IGF2BP2: variants seen among roughly 807,000 people sequenced by gnomAD.
IGF2BP2 encodes the protein insulin-like growth factor 2 mRNA-binding protein 2.
Under a neutral mutation model 75.8 loss-of-function variants are expected in IGF2BP2, and 17 were observed. That is an observed-to-expected ratio of 0.22 (90% CI 0.15 to 0.34). IGF2BP2 has a LOEUF of 0.34. Ranked by LOEUF, IGF2BP2 falls within the 10% of genes least tolerant of loss-of-function variation. The pLI is 1.00. For synonymous variants in IGF2BP2, 288 were observed against 295.6 expected (o/e 0.97, Z 0.26); for missense variants, 516 against 772.4 (o/e 0.67, Z 3.93).
chr3:185,788,338 A>T (rs966481982), intron 2 of IGF2BP2, among the ~76,000 whole-genome samples: 33 of 152,202 alleles, frequency 2.2e-4, no homozygotes, highest in Middle Eastern at 3.4e-3. Flanking sequence ...TGAGCAATAT[A>T]GGGAGACTTT....
At chr3:185,765,074 A>G (rs1294058946) in intron 2 of IGF2BP2, among the ~76,000 whole-genome samples, 2 of 152,208 alleles carry the variant, frequency 1.3e-5, no homozygotes, top group African/African-American at 4.8e-5. Context: ...CTTAATTCCC[A>G]GCCCCTCCTA....
chr3:185,799,645 G>A (rs1202822596), intron 2 of IGF2BP2, among the ~76,000 whole-genome samples: 2 of 152,010 alleles, frequency 1.3e-5, no homozygotes, highest in African/African-American at 2.4e-5. Flanking sequence ...CCAGCTACTC[G>A]GGAGGCTGAG....
At chr3:185,808,574 C>T (rs941562034) in intron 2 of IGF2BP2, among the ~76,000 whole-genome samples, 7 of 151,668 alleles carry the variant, frequency 4.6e-5, no homozygotes, top group Non-Finnish European at 7.4e-5. Flanking sequence ...TCTTCTGAGA[C>T]AGGGTCTCTC....
chr3:185,804,966 C>A (rs1271363464), intron 2 of IGF2BP2, among the ~76,000 whole-genome samples: 4 of 149,712 alleles, frequency 2.7e-5, no homozygotes, highest in African/African-American at 9.9e-5. Context: ...GCACTCCAGC[C>A]TGGGTGACAG....
intron 2 of IGF2BP2, chr3:185,717,911 C>T (rs897149131): frequency 6.6e-6 from 1 of 152,194 alleles, no homozygotes; most frequent in South Asian, 2.1e-4. Context: ...TGAGAATGAA[C>T]AGGAATGGCA....
At chr3:185,727,155 T>C (rs947428544) in intron 2 of IGF2BP2, among the ~76,000 whole-genome samples, 2 of 149,496 alleles carry the variant, frequency 1.3e-5, no homozygotes, top group African/African-American at 4.9e-5. Context: ...GAGGCAGAGG[T>C]TGCAGTGAGC....
At chr3:185,662,052 TACAGACTTGACACTCAGCAGG>T (rs1430414143) in intron 10 of IGF2BP2, among the ~76,000 whole-genome samples, 2 of 152,102 alleles carry the variant, frequency 1.3e-5, no homozygotes, top group Non-Finnish European at 2.9e-5. Flanking sequence ...ACCAGTGGGC[TACAGACTTGACACTCAGCAGG>T]ACAGACGCCC....
intron 2 of IGF2BP2, among the ~76,000 whole-genome samples, chr3:185,776,595 A>T (rs1734564895): frequency 6.6e-6 from 1 of 152,208 alleles, no homozygotes; most frequent in South Asian, 2.1e-4. Context: ...GGAAGTCAGA[A>T]ATACAGATCT....
chr3:185,761,610 C>A (rs1476066371), intron 2 of IGF2BP2, among the ~76,000 whole-genome samples: 2 of 152,162 alleles, frequency 1.3e-5, no homozygotes, highest in African/African-American at 4.8e-5. Context: ...CCCAAGCTTT[C>A]TCCAGGAAAG....
At chr3:185,659,437 G>C (rs976255750) in intron 10 of IGF2BP2, among the ~76,000 whole-genome samples, 2 of 151,808 alleles carry the variant, frequency 1.3e-5, no homozygotes, top group African/African-American at 4.8e-5. Flanking sequence ...GAAGTGGCGC[G>C]ATCTCGGCTC....
chr3:185,721,340 T>TACAGGTACCCACC (rs1726506559), intron 2 of IGF2BP2, among the ~76,000 whole-genome samples: 1 of 152,112 alleles, frequency 6.6e-6, no homozygotes, highest in Non-Finnish European at 1.5e-5. Context: ...TAGCTGAGAT[T>TACAGGTACCCACC]ACAGGTACCC....
At chr3:185,657,432 C>A (rs769994792) in intron 11 of IGF2BP2, 30 bp from the exon 12 acceptor site, 2 of 1,537,392 alleles carry the variant, frequency 1.3e-6, no homozygotes, top group Non-Finnish European at 1.8e-6. Flanking sequence ...AAGAAGACAT[C>A]ATTCCAACCA....
chr3:185,716,785 G>A (rs749249245), intron 2 of IGF2BP2: 2 of 519,302 alleles, frequency 3.9e-6, no homozygotes, highest in South Asian at 2.8e-5. Flanking sequence ...TCCAGGTCAT[G>A]CCTGGTTAAC....
At chr3:185,677,354 C>CA (rs200884467) in intron 7 of IGF2BP2, among the ~76,000 whole-genome samples, 2,232 of 151,882 alleles carry the variant, frequency 0.015, 27 homozygotes, top group Non-Finnish European at 0.019. Context: ...CTGCTGAAAA[C>CA]AGAGGCAAGC....
intron 10 of IGF2BP2, among the ~76,000 whole-genome samples, chr3:185,668,732 C>G (rs1180930750): frequency 1.3e-5 from 2 of 151,418 alleles, no homozygotes; most frequent in Non-Finnish European, 2.9e-5. Flanking sequence ...GGTTAGCAGC[C>G]TTAATATGTA....
At chr3:185,651,456 C>T (rs1269754539) in intron 13 of IGF2BP2, among the ~76,000 whole-genome samples, 2 of 152,184 alleles carry the variant, frequency 1.3e-5, no homozygotes, top group Non-Finnish European at 2.9e-5. Flanking sequence ...GATCCTCCTG[C>T]CTCTGCCTCC....
intron 2 of IGF2BP2, chr3:185,728,921 G>A (rs1182452702): frequency 2.0e-5 from 3 of 152,148 alleles, no homozygotes; most frequent in South Asian, 2.1e-4. Flanking sequence ...CTTGTTTATC[G>A]TGTTAGTATT....
At chr3:185,668,788 A>G (rs899079728) in intron 10 of IGF2BP2, among the ~76,000 whole-genome samples, 3 of 152,086 alleles carry the variant, frequency 2.0e-5, no homozygotes, top group Non-Finnish European at 2.9e-5. Context: ...TAAAAAGATG[A>G]TAACAGCAGC....
At chr3:185,741,352 G>A (rs923299026) in intron 2 of IGF2BP2, among the ~76,000 whole-genome samples, 1 of 152,164 alleles carries the variant, frequency 6.6e-6, no homozygotes, top group Non-Finnish European at 1.5e-5. Context: ...GCTGCAAGCA[G>A]AAGTACAATT....
Sources: allele counts gnomAD v4.1 joint callset (sites outside exome capture counted in the v4.1 genomes callset), GRCh38; gene constraint gnomAD v4.1.1; transcripts MANE v1.5; gene names NCBI Gene and HGNC (gene_info 2026-07-23, HGNC 2026-07-21).